TF: variants seen among roughly 807,000 people sequenced by gnomAD.
TF encodes serotransferrin.
Under a neutral mutation model 82.4 loss-of-function variants are expected in TF, and 55 were observed. The observed-to-expected ratio is 0.67, with a 90% confidence interval of 0.54 to 0.84. The LOEUF is 0.84. TF is among the 40% of genes least tolerant of loss of function. The pLI is 0.00. For synonymous variants in TF, 332 were observed against 332.6 expected, an observed-to-expected ratio of 1.00 and a Z score of 0.02; for missense variants, 737 against 868.4, an observed-to-expected ratio of 0.85 and a Z score of 1.90.
the TF span, among the ~76,000 whole-genome samples, chr3:133,702,607 G>A: frequency 1.3e-5 from 2 of 151,526 alleles, no homozygotes; most frequent in South Asian, 4.2e-4. Context: ...ATTATGTGAT[G>A]ATGATCTCTG....
In TF at chr3:133,754,541, T is replaced by C; in HGVS notation, c.372T>C (p.Ser124=). 1.9e-6 allele frequency: 3 copies of C among 1,614,220 alleles called. No individual in the cohort carries two copies. Among genetic ancestry groups the C allele is most frequent in the Non-Finnish European group, 2.5e-6 (3 of 1,180,044 alleles). Residue 124 remains serine (S), a synonymous_variant, in exon 4 of 17, where the codon AGT becomes AGC. Coordinates refer to ENST00000402696, the MANE Select transcript of TF (RefSeq NM_001063.4). ...CTGTTGCTGTGGTGAAGAAGGATAG[T>C]GGCTTCCAGATGAACCAGCTTCGAG... is the stretch of plus-strand genomic sequence containing the variant. ...YYAVAVVKKD[S]GFQMNQLRGK...
the TF span, among the ~76,000 whole-genome samples, chr3:133,715,096 A>T: frequency 1.3e-5 from 2 of 152,026 alleles, no homozygotes; most frequent in Admixed American, 1.3e-4. Flanking sequence ...ACATTTCACA[A>T]TCAACTGTGC....
At chr3:133,749,887 C>T (rs1283117359) in intron 2 of TF, among the ~76,000 whole-genome samples, 4 of 152,086 alleles carry the variant, frequency 2.6e-5, no homozygotes, top group Admixed American at 6.5e-5. Context: ...GAGGGGAGAA[C>T]GCAGGGCTCT....
intron 2 of TF, among the ~76,000 whole-genome samples, chr3:133,750,447 C>T (rs1160641708): frequency 3.9e-5 from 3 of 77,184 alleles, no homozygotes; most frequent in African/African-American, 1.2e-4. Flanking sequence ...TCAATCCCCG[C>T]GCTGGGGTTT....
At chr3:133,725,115 C>T in the TF span, among the ~76,000 whole-genome samples, 1 of 152,176 alleles carries the variant, frequency 6.6e-6, no homozygotes, top group African/African-American at 2.4e-5. Flanking sequence ...GTTCTTTTGG[C>T]TTAGGATTGA....
intron 16 of TF, chr3:133,778,148 C>A: frequency 5.0e-6 from 1 of 201,894 alleles, no homozygotes; most frequent in South Asian, 9.8e-5. Flanking sequence ...TAACCTATAT[C>A]CTCCACAAAA....
chr3:133,686,989 T>G, the TF span, among the ~76,000 whole-genome samples: 22 of 152,188 alleles, frequency 1.4e-4, no homozygotes, highest in Admixed American at 3.3e-4. Context: ...ATGTGGCACA[T>G]ATACACCATG....
At position 133,755,381 on chromosome 3, in the gene TF, C is replaced by T. The variant is rs150679929; in HGVS notation, c.521C>T (p.Ser174Leu). ...TGAGCAGCAGTGGCCAATTTCTTCT[C>T]GGGCAGCTGTGCCCCTTGTGCGGAT... ...PLEKAVANFF[S>L]GSCAPCADGT... Residue 174 changes from serine to leucine, a missense_variant, in exon 5 of 17, where the codon TCG (serine) becomes TTG (leucine). Physicochemically the swap from Ser to Leu is moderately radical, Grantham distance 145. Coordinates refer to ENST00000402696, the MANE Select transcript of TF (RefSeq NM_001063.4). 566 of 1,614,216 alleles carry T rather than the reference C, an allele frequency of 3.5e-4. 2 individuals are homozygous for T. In the East Asian group the frequency reaches 4.5e-3, roughly 13 times the overall value.
chr3:133,768,126 C>T lies in TF; in HGVS notation c.1584C>T (p.Asn528=). 1.2e-6 allele frequency: 2 copies of T among 1,614,052 alleles called. No individual in the cohort carries two copies. The highest frequency in any genetic ancestry group is 1.7e-6 in the Non-Finnish European group (2 of 1,180,022). ...CAGGCCTAAACCTGTGTGAACCCAA[C>T]AACAAAGAGGGATACTACGGCTACA... ...MGSGLNLCEP[N]NKEGYYGYTG... is the part of the protein sequence containing the mutation. The change falls in exon 13 of 17, where the codon AAC becomes AAT. Residue 528 remains asparagine (N), a synonymous_variant. Transcript: ENST00000402696.
the TF span, among the ~76,000 whole-genome samples, chr3:133,673,515 G>A: frequency 2.0e-5 from 3 of 152,188 alleles, no homozygotes; most frequent in Non-Finnish European, 4.4e-5. Context: ...TGTAGAATGT[G>A]CAACGCTGAT....
At chr3:133,708,122 A>G in the TF span, among the ~76,000 whole-genome samples, 1 of 152,212 alleles carries the variant, frequency 6.6e-6, no homozygotes, top group Non-Finnish European at 1.5e-5. Flanking sequence ...ATAGAAATAA[A>G]TGGGTTTTAG....
intron 9 of TF, 135 bp from the exon 10 acceptor site, chr3:133,764,047 G>T: frequency 1.3e-6 from 1 of 752,656 alleles, no homozygotes; most frequent in South Asian, 1.4e-5. Context: ...TGATCTTTTG[G>T]GGGTTCAGTA....
the TF span, among the ~76,000 whole-genome samples, chr3:133,733,061 C>G: frequency 6.6e-6 from 1 of 152,212 alleles, no homozygotes; most frequent in African/African-American, 2.4e-5. Flanking sequence ...CGCTATGTTC[C>G]TGCCTTGCAG....
At chr3:133,677,198 G>A in the TF span, among the ~76,000 whole-genome samples, 70 of 152,262 alleles carry the variant, frequency 4.6e-4, no homozygotes, top group African/African-American at 1.5e-3. Flanking sequence ...CAGCTTTCCC[G>A]TTTCAGGATC....
the TF span, chr3:133,662,362 C>T: frequency 6.6e-6 from 1 of 152,238 alleles, no homozygotes; most frequent in East Asian, 1.9e-4. Flanking sequence ...TTCAAGGGCA[C>T]ACGGCTAGTA....
the TF span, among the ~76,000 whole-genome samples, chr3:133,728,228 G>T: frequency 6.6e-6 from 1 of 152,112 alleles, no homozygotes; most frequent in Non-Finnish European, 1.5e-5. Context: ...AAGTTCTCCT[G>T]GATAATATCC....
chr3:133,710,971 A>G, the TF span, among the ~76,000 whole-genome samples: 1 of 152,136 alleles, frequency 6.6e-6, no homozygotes, highest in Non-Finnish European at 1.5e-5. Flanking sequence ...TGGCCTCCAT[A>G]CTGCTCAGTT....
rs557957738 is a variant in TF, at chr3:133,777,088, T to A, written c.1912T>A (p.Phe638Ile). The change falls in exon 16 of 17, where the codon TTT (phenylalanine) becomes ATT (isoleucine). Residue 638 changes from phenylalanine (F) to isoleucine (I), a missense_variant. Physicochemically the swap from Phe to Ile is conservative, Grantham distance 21. Coordinates refer to ENST00000402696, the MANE Select transcript of TF (RefSeq NM_001063.4). ...GSNVTDCSGN[F>I]CLFRSETKDL... ...CAACGTAACTGACTGCTCGGGCAAC[T>A]TTTGTTTGTTCCGGTCGGAAACCAA... 6.2e-7 allele frequency: 1 copy of A among 1,614,210 alleles called. No individual in the cohort carries two copies. The highest frequency in any genetic ancestry group is 8.5e-7 in the Non-Finnish European group (1 of 1,180,036).
the TF span, among the ~76,000 whole-genome samples, chr3:133,674,739 CT>C: frequency 0.15 from 22,567 of 152,198 alleles, 1,911 homozygotes; most frequent in Non-Finnish European, 0.2. Flanking sequence ...CAGCGGGACC[CT>C]GCGCGACAAC....
Sources: gnomAD v4.1 joint callset for allele counts (sites outside exome capture counted in the v4.1 genomes callset) on GRCh38, gnomAD v4.1.1 for gene constraint, MANE v1.5 for transcripts, NCBI Gene and HGNC (gene_info 2026-07-23, HGNC 2026-07-21) for gene names.